MAP7: variants seen among roughly 807,000 people sequenced by gnomAD.
MAP7 encodes microtubule associated protein 7, also known as ensconsin.
MAP7 carries 52 observed loss-of-function variants against 94.8 expected under a neutral mutation model. The observed-to-expected ratio is 0.55, with a 90% CI of 0.44 to 0.69. The LOEUF (loss-of-function observed/expected upper bound fraction) is 0.69. MAP7 is among the 30% of genes least tolerant of loss of function. The pLI is 0.00. For synonymous variants in MAP7, 350 were observed against 357.0 expected (o/e 0.98, Z 0.22); for missense variants, 940 against 964.6 (o/e 0.97, Z 0.34).
chr6:136,494,796 GA>G (rs1817703190), intron 1 of MAP7, among the ~76,000 whole-genome samples: 1 of 152,140 alleles, frequency 6.6e-6, no homozygotes, highest in African/African-American at 2.4e-5. Flanking sequence ...CAAAACTTGA[GA>G]TGACAATTTC....
intron 7 of MAP7, among the ~76,000 whole-genome samples, chr6:136,374,307 C>T (rs1775447112): frequency 6.6e-6 from 1 of 152,174 alleles, no homozygotes; most frequent in Non-Finnish European, 1.5e-5. Context: ...ATAATCTTTT[C>T]TCAAGCGCCA....
intron 7 of MAP7, among the ~76,000 whole-genome samples, chr6:136,376,122 G>A (rs141052381): frequency 5.3e-5 from 8 of 151,178 alleles, no homozygotes; most frequent in African/African-American, 1.2e-4. Context: ...TTTTTGAGAC[G>A]GAGTCTCGCT....
chr6:136,360,152 A>G, intron 13 of MAP7, 121 bp from the exon 14 acceptor site: 2 of 737,110 alleles, frequency 2.7e-6, no homozygotes, highest in Non-Finnish European at 4.3e-6. Flanking sequence ...TACAATATGC[A>G]CTTTTTTTTT....
At chr6:136,413,611 C>CT (rs1326301232) in intron 2 of MAP7, among the ~76,000 whole-genome samples, 4 of 151,898 alleles carry the variant, frequency 2.6e-5, no homozygotes, top group Non-Finnish European at 5.9e-5. Context: ...TCCCAAATGT[C>CT]TTTTTTTTAT....
chr6:136,499,236 T>G (rs1320291838), intron 1 of MAP7, among the ~76,000 whole-genome samples: 1 of 152,110 alleles, frequency 6.6e-6, no homozygotes, highest in Non-Finnish European at 1.5e-5. Flanking sequence ...TTCTTAGCTC[T>G]GGCCTCCTCT....
intron 1 of MAP7, among the ~76,000 whole-genome samples, chr6:136,547,315 G>C (rs575479274): frequency 9.8e-5 from 15 of 152,338 alleles, no homozygotes; most frequent in African/African-American, 3.4e-4. Context: ...CTTCGTGCAT[G>C]AAAGCTTCAT....
intron 3 of MAP7, among the ~76,000 whole-genome samples, chr6:136,404,057 T>G (rs890225919): frequency 6.6e-6 from 1 of 152,240 alleles, no homozygotes; most frequent in Non-Finnish European, 1.5e-5. Flanking sequence ...CTGACCCCTT[T>G]TTTTTTCCTG....
At chr6:136,448,413 C>T (rs137856088) in intron 1 of MAP7, among the ~76,000 whole-genome samples, 4 of 151,038 alleles carry the variant, frequency 2.6e-5, no homozygotes, top group Admixed American at 1.3e-4. Context: ...TTAATGACTA[C>T]GATTTTTTTT....
intron 1 of MAP7, among the ~76,000 whole-genome samples, chr6:136,543,665 GA>G (rs1829502249): frequency 1.3e-5 from 2 of 151,682 alleles, no homozygotes; most frequent in Non-Finnish European, 1.5e-5. Flanking sequence ...CAAAAAAAAA[GA>G]AAAAAAGGTT....
intron 1 of MAP7, among the ~76,000 whole-genome samples, chr6:136,448,046 G>C (rs1582940873): frequency 6.6e-6 from 1 of 152,036 alleles, no homozygotes; most frequent in African/African-American, 2.4e-5. Flanking sequence ...AAAAAAATTA[G>C]CTGGGCGTGG....
intron 1 of MAP7, among the ~76,000 whole-genome samples, chr6:136,474,420 G>A (rs751807100): frequency 1.2e-4 from 18 of 152,122 alleles, no homozygotes; most frequent in Non-Finnish European, 2.2e-4. Flanking sequence ...TGAGGAGAGA[G>A]CAGATGACGT....
chr6:136,546,712 T>A (rs1273402426), intron 1 of MAP7, among the ~76,000 whole-genome samples: 1 of 152,238 alleles, frequency 6.6e-6, no homozygotes, highest in Non-Finnish European at 1.5e-5. Flanking sequence ...TAATGCTGAA[T>A]ACACAGAAGG....
intron 1 of MAP7, among the ~76,000 whole-genome samples, chr6:136,486,776 C>T (rs753088597): frequency 6.6e-6 from 1 of 152,142 alleles, no homozygotes; most frequent in Non-Finnish European, 1.5e-5. Flanking sequence ...CCACCTAAGG[C>T]TATCCCAAAA....
chr6:136,490,553 A>G (rs1816256366), intron 1 of MAP7, among the ~76,000 whole-genome samples: 1 of 152,202 alleles, frequency 6.6e-6, no homozygotes, highest in African/African-American at 2.4e-5. Flanking sequence ...CTACAATTCA[A>G]TATTATCAAC....
intron 3 of MAP7, among the ~76,000 whole-genome samples, chr6:136,402,079 A>T (rs1784259612): frequency 6.6e-6 from 1 of 152,026 alleles, no homozygotes; most frequent in African/African-American, 2.4e-5. Context: ...ATCTTCACAC[A>T]CACCTCCTTC....
At chr6:136,498,116 C>A (rs1818834269) in intron 1 of MAP7, among the ~76,000 whole-genome samples, 2 of 152,072 alleles carry the variant, frequency 1.3e-5, no homozygotes, top group Non-Finnish European at 2.9e-5. Flanking sequence ...AAAGCTACAC[C>A]TTTTCCCCAG....
chr6:136,397,932 C>T (rs1293460763), intron 3 of MAP7, among the ~76,000 whole-genome samples: 1 of 152,178 alleles, frequency 6.6e-6, no homozygotes, highest in Non-Finnish European at 1.5e-5. Context: ...TCTGAAGTCA[C>T]AATTTATCCC....
chr6:136,489,143 T>G (rs1815702747), intron 1 of MAP7, among the ~76,000 whole-genome samples: 1 of 151,288 alleles, frequency 6.6e-6, no homozygotes, highest in African/African-American at 2.4e-5. Context: ...TAAGGACATA[T>G]CTCTACCTTC....
intron 2 of MAP7, among the ~76,000 whole-genome samples, chr6:136,418,307 T>A (rs1007887903): frequency 6.6e-6 from 1 of 152,156 alleles, no homozygotes; most frequent in African/African-American, 2.4e-5. Context: ...CTCTGCCTCC[T>A]GGCTTCAAGT....
Sources: gnomAD v4.1 joint callset for allele counts (sites outside exome capture counted in the v4.1 genomes callset) on GRCh38, gnomAD v4.1.1 for gene constraint, MANE v1.5 for transcripts, NCBI Gene and HGNC (gene_info 2026-07-23, HGNC 2026-07-21) for gene names.